The following SLC6A13 variants were observed in gnomAD, a reference collection of about 807,000 sequenced individuals.
SLC6A13 encodes solute carrier family 6 member 13, also known as sodium- and chloride-dependent GABA transporter 2.
A neutral mutation model predicts 72.9 loss-of-function variants in SLC6A13; 69 were observed. The ratio of observed to expected loss-of-function variants is 0.95; its 90% confidence interval spans 0.78 to 1.16. The LOEUF is 1.16. Ranked by LOEUF, SLC6A13 falls within the 50% of genes most tolerant of loss-of-function variation. The pLI is 0.00. For missense variants in SLC6A13, 735 were observed against 760.5 expected (o/e 0.97, Z 0.39); for synonymous variants, 303 against 303.0 (o/e 1.00, Z 0.00).
intron 7 of SLC6A13, among the ~76,000 whole-genome samples, chr12:232,444 A>C (rs908055032): frequency 6.6e-6 from 1 of 152,192 alleles, no homozygotes; most frequent in East Asian, 1.9e-4. Flanking sequence ...CCTACCATCC[A>C]TCACAACCCT....
chr12:252,367 A>G (rs1245825448), intron 2 of SLC6A13, among the ~76,000 whole-genome samples: 1 of 152,236 alleles, frequency 6.6e-6, no homozygotes, highest in Non-Finnish European at 1.5e-5. Context: ...GGAATTAGAA[A>G]GAGACAGGAG....
rs150179092 is a variant in SLC6A13 at position 224,203 on chromosome 12, G to A, written c.1174-74C>T. 7.9e-4 allele frequency: 1,242 copies of A among 1,579,950 alleles called. 5 individuals carry two copies. The African/African-American group carries it at 0.013, about 16-fold the overall frequency. On this transcript the variant is annotated intron_variant, in intron 10 of 14. Coordinates refer to ENST00000343164, the MANE Select transcript of SLC6A13 (RefSeq NM_016615.5). ...CCCTGTCCATGAGCGCTGGCTTCTC[G>A]CTCCCAGGATCAGCCCTGCCAGCCT...
intron 4 of SLC6A13, among the ~76,000 whole-genome samples, chr12:239,200 A>T (rs1169311241): frequency 9.9e-6 from 1 of 101,352 alleles, no homozygotes; most frequent in Admixed American, 9.7e-5. Flanking sequence ...TACCACGTCC[A>T]CCCTGTTCCC....
At chr12:239,599 C>T (rs1395834495) in intron 4 of SLC6A13, among the ~76,000 whole-genome samples, 1 of 152,230 alleles carries the variant, frequency 6.6e-6, no homozygotes, top group Non-Finnish European at 1.5e-5. Flanking sequence ...TGTGCTGCTG[C>T]TTTCTAAGCA....
At chr12:255,550 G>T (rs1008527242) in intron 2 of SLC6A13, among the ~76,000 whole-genome samples, 1 of 152,172 alleles carries the variant, frequency 6.6e-6, no homozygotes, top group Admixed American at 6.5e-5. Context: ...ACAGAAATTG[G>T]CCGCGCGTGT....
rs76749368 is a variant in SLC6A13 at position 261,263 on chromosome 12, C to T, written c.-5-1206G>A. 2.5e-3 allele frequency among the ~76,000 whole-genome samples: 386 copies of T among 152,318 alleles called. 8 individuals are homozygous for T. In the East Asian group the frequency reaches 0.059, roughly 23 times the overall value. ...CATTCTTTTCATTTAATTCTCACAA[C>T]AACCCTGAGATGTAAGCATTATTAC... On this transcript the variant is annotated intron_variant, in intron 1 of 14. Coordinates refer to ENST00000343164, the MANE Select transcript of SLC6A13 (RefSeq NM_016615.5).
intron 7 of SLC6A13, among the ~76,000 whole-genome samples, chr12:233,360 C>A (rs952394712): frequency 4.6e-5 from 7 of 152,144 alleles, no homozygotes; most frequent in African/African-American, 1.7e-4. Context: ...GCAGGGCCTG[C>A]CCATTCCAGG....
intron 4 of SLC6A13, among the ~76,000 whole-genome samples, chr12:239,861 A>G (rs1269422380): frequency 6.6e-6 from 1 of 152,220 alleles, no homozygotes; most frequent in East Asian, 1.9e-4. Flanking sequence ...TTGGCGGGAC[A>G]GCGTGTCTCG....
At position 254,255 on chromosome 12, in the gene SLC6A13, C is replaced by T. The variant is rs1942660690; in HGVS notation, c.202+5596G>A. Among the ~76,000 whole-genome samples the T allele has an allele frequency of 6.6e-6, 1 of 152,256 alleles. No homozygotes were observed. The highest frequency in any genetic ancestry group is 1.5e-5 in the Non-Finnish European group (1 of 68,044). On this transcript the variant is annotated intron_variant, in intron 2 of 14. Coordinates refer to ENST00000343164, the MANE Select transcript of SLC6A13 (RefSeq NM_016615.5). The surrounding 1 kb of genome is among the most constrained non-coding windows in gnomAD (Gnocchi z 4.4). ...CCACTGGCACACTGTCACTGCTACG[C>T]AGGACTCACATGGCCCCCTTCCGCC...
intron 1 of SLC6A13, 134 bp from the exon 2 acceptor site, chr12:260,191 C>A (rs1942882771): frequency 2.2e-6 from 2 of 902,586 alleles, no homozygotes; most frequent in Non-Finnish European, 3.4e-6. Context: ...CCCTGTAGAC[C>A]ATGTCCTCCT....
chr12:221,043 CG>C lies in SLC6A13; in HGVS notation c.1713del (p.Glu572ArgfsTer27). The stretch of plus-strand genomic sequence containing the variant: ...GCTGGGTTCCGCTGGGGCAGGTCCT[CG>C]GCTGGGCACATGAGCTGACGGATTC... ...RERIRQLMCP[A>X]EDLPQRNPAG... On this transcript the variant is annotated frameshift_variant, in exon 15 of 15. Coordinates refer to ENST00000343164, the MANE Select transcript of SLC6A13 (RefSeq NM_016615.5). LOFTEE classifies it low-confidence loss of function (END_TRUNC). 6.2e-7 allele frequency: 1 copy of C among 1,610,016 alleles called. No homozygotes were observed. Among genetic ancestry groups the C allele is most frequent in the African/African-American group, 1.3e-5 (1 of 74,960 alleles).
intron 2 of SLC6A13, 24 bp downstream of exon 2, chr12:259,827 G>A (rs754347501): frequency 6.2e-6 from 10 of 1,614,096 alleles, no homozygotes; most frequent in Non-Finnish European, 8.5e-6. Context: ...AGTGGGTGGG[G>A]TGGCACAAGG....
chr12:226,527 G>C lies in SLC6A13; in HGVS notation c.936-13C>G, dbSNP rs917763289. 3 of 1,612,662 alleles carry C rather than the reference G, an allele frequency of 1.9e-6. No individual in the cohort carries two copies. In the African/African-American group the frequency reaches 4.0e-5, roughly 22 times the overall value. On this transcript the variant is annotated splice_polypyrimidine_tract_variant and intron_variant, in intron 8 of 14. Transcript: ENST00000343164. ...GGCGATGCAGTCCCTGTGGGGCAGG[G>C]GTGAGGAGAGGGCGGAATGGCAGGG... is the stretch of plus-strand genomic sequence containing the variant.
At chr12:231,958 G>A (rs1033486887) in intron 7 of SLC6A13, among the ~76,000 whole-genome samples, 3 of 152,194 alleles carry the variant, frequency 2.0e-5, no homozygotes, top group Non-Finnish European at 2.9e-5. Flanking sequence ...CATGGGATTC[G>A]TCATCATTCA....
rs1054112784 is a variant in SLC6A13 at position 262,747 on chromosome 12, A to T, written c.-6+42T>A. 8 of 968,512 alleles carry T rather than the reference A, an allele frequency of 8.3e-6. No individual in the cohort carries two copies. In the Admixed American group the frequency reaches 1.8e-4, roughly 22 times the overall value. 60.0% of individuals were successfully genotyped at this position (968,512 alleles called of 1,614,324 possible). A position where few individuals can be genotyped will look rare whatever the true frequency, so the allele number is the denominator to read the frequency against. ...ATGGATCCCACCAACCTGCAGTCTGAGACGCAGAAATAGAAAAAAAAGAGA... is the reference window on the plus strand; with the variant it reads ...ATGGATCCCACCAACCTGCAGTCTGTGACGCAGAAATAGAAAAAAAAGAGA... On this transcript the variant is annotated intron_variant, in intron 1 of 14. Coordinates refer to ENST00000343164, the MANE Select transcript of SLC6A13 (RefSeq NM_016615.5).
At chr12:224,276 G>C in intron 10 of SLC6A13, 125 bp downstream of exon 10, 1 of 1,350,956 alleles carries the variant, frequency 7.4e-7, no homozygotes, top group African/African-American at 1.4e-5. Context: ...GTTAGGTCAG[G>C]ACTCACCCTC....
At chr12:225,219 C>T (rs529730029) in intron 9 of SLC6A13, among the ~76,000 whole-genome samples, 2 of 152,368 alleles carry the variant, frequency 1.3e-5, no homozygotes, top group South Asian at 2.1e-4. Context: ...ACTGTGACCT[C>T]GGAGGTCTTT....
At chr12:250,539 A>T (rs1183641547) in intron 2 of SLC6A13, among the ~76,000 whole-genome samples, 4 of 152,160 alleles carry the variant, frequency 2.6e-5, no homozygotes. Flanking sequence ...ACCATTTACA[A>T]TAGCATCAAA....
chr12:220,911 A>G lies in SLC6A13; in HGVS notation c.*37T>C. The G allele has an allele frequency of 6.2e-7, 1 of 1,608,510 alleles. No individual in the cohort carries two copies. Among genetic ancestry groups the G allele is most frequent in the Non-Finnish European group, 8.5e-7 (1 of 1,179,406 alleles). Reference sequence around the variant, plus strand: ...CACGTTCCCTCCACAGCCATCCCCAAGGCCAGGCACACAGGCACCATCCAA... The same window carrying G: ...CACGTTCCCTCCACAGCCATCCCCAGGGCCAGGCACACAGGCACCATCCAA... On this transcript the variant is annotated 3_prime_UTR_variant, in exon 15 of 15. Coordinates refer to ENST00000343164, the MANE Select transcript of SLC6A13 (RefSeq NM_016615.5).
Sources: allele counts gnomAD v4.1 joint callset (sites outside exome capture counted in the v4.1 genomes callset), GRCh38; gene constraint gnomAD v4.1.1; non-coding constraint Gnocchi (gnomAD v3.1); transcripts MANE v1.5; gene names NCBI Gene and HGNC (gene_info 2026-07-23, HGNC 2026-07-21).